The following PRMT8 variants were observed in gnomAD, a reference collection of about 807,000 sequenced individuals.
PRMT8 encodes protein arginine N-methyltransferase 8.
PRMT8 carries 7 observed loss-of-function variants against 47.1 expected under a neutral mutation model. The ratio of observed to expected loss-of-function variants is 0.15; its 90% confidence interval spans 0.08 to 0.28. PRMT8 has a LOEUF of 0.28. PRMT8 is among the 10% of genes least tolerant of loss of function. PRMT8 has a pLI of 1.00. For missense variants in PRMT8, 237 were observed against 505.4 expected, an observed-to-expected ratio of 0.47 and a Z score of 5.09; for synonymous variants, 188 against 186.5, an observed-to-expected ratio of 1.01 and a Z score of -0.07.
chr12:3,431,838 TATG>T (rs1864682349), intron 1 of PRMT8, among the ~76,000 whole-genome samples: 1 of 152,074 alleles, frequency 6.6e-6, no homozygotes, highest in East Asian at 1.9e-4. Context: ...GAAGGTGAGA[TATG>T]GTGTGGCATC....
In PRMT8 at chr12:3,593,600, G is replaced by C; in HGVS notation, c.*418G>C. 4.2e-6 allele frequency: 1 copy of C among 237,890 alleles called. No individual in the cohort carries two copies. The highest frequency in any genetic ancestry group is 2.3e-5 in the African/African-American group (1 of 42,790). The allele number at this position is 237,890 out of a possible 1,614,324, so 14.7% of individuals were successfully genotyped here. A position where few individuals can be genotyped will look rare whatever the true frequency, so the allele number is the denominator to read the frequency against. ...TTTGATAGCATAAGCCAGATTATCT[G>C]TGTGTGCGGTGGTGTGCGTGTGCGT... On this transcript the variant is annotated 3_prime_UTR_variant, in exon 10 of 10. Transcript: ENST00000382622. This position sits in a 1 kb window ranked among gnomAD's most constrained non-coding sequence, Gnocchi z 4.8.
intron 1 of PRMT8, among the ~76,000 whole-genome samples, chr12:3,394,241 C>A (rs1464238383): frequency 1.3e-5 from 2 of 151,910 alleles, no homozygotes; most frequent in Non-Finnish European, 2.9e-5. Context: ...GAACTTCCAA[C>A]ACTATGTTGA....
At chr12:3,397,990 A>G (rs559530007) in intron 1 of PRMT8, among the ~76,000 whole-genome samples, 3 of 151,888 alleles carry the variant, frequency 2.0e-5, no homozygotes, top group Non-Finnish European at 4.4e-5. Flanking sequence ...GCCGTCCATC[A>G]CCCCTTTGAC....
intron 1 of PRMT8, among the ~76,000 whole-genome samples, chr12:3,525,896 A>C (rs563528080): frequency 2.8e-4 from 42 of 152,242 alleles, no homozygotes; most frequent in African/African-American, 9.1e-4. Context: ...TTACCATCTT[A>C]ACCATTTTTA....
chr12:3,565,453 A>G (rs182345063), intron 4 of PRMT8, among the ~76,000 whole-genome samples: 51 of 152,260 alleles, frequency 3.3e-4, no homozygotes, highest in Admixed American at 1.1e-3. Flanking sequence ...TTGAAGGGAG[A>G]TGGGTCCTTT....
chr12:3,555,297 G>C (rs1301001331), intron 4 of PRMT8, among the ~76,000 whole-genome samples: 1 of 152,242 alleles, frequency 6.6e-6, no homozygotes, highest in Non-Finnish European at 1.5e-5. Flanking sequence ...GGCTGCGTTA[G>C]GTTAGCTGCT....
Position 3,469,958 on chromosome 12 carries a change from A to G in PRMT8, c.49-70648A>G, listed in dbSNP as rs117471983. 2.3e-4 allele frequency among the ~76,000 whole-genome samples: 35 copies of G among 152,352 alleles called. 1 individual carries two copies. The East Asian group carries it at 6.2e-3, about 27-fold the overall frequency. On this transcript the variant is annotated intron_variant, in intron 1 of 9. Transcript: ENST00000452611. ...CTGGCCAAGGTGCCGAGGAGCACAC[A>G]GAGGACTGAGACGTGGTCCCTGCAC...
intron 1 of PRMT8, among the ~76,000 whole-genome samples, chr12:3,526,033 C>A (rs1865945818): frequency 6.6e-6 from 1 of 152,180 alleles, no homozygotes; most frequent in South Asian, 2.1e-4. Flanking sequence ...AACCCCCATT[C>A]CCTCTTCCAG....
intron 1 of PRMT8, among the ~76,000 whole-genome samples, chr12:3,449,372 A>G (rs1025853771): frequency 1.3e-5 from 2 of 152,098 alleles, no homozygotes; most frequent in African/African-American, 4.8e-5. Context: ...AAAAGTTCCT[A>G]TTTCTCCACA....
chr12:3,469,971 G>A (rs1048204680), intron 1 of PRMT8, among the ~76,000 whole-genome samples: 4 of 152,188 alleles, frequency 2.6e-5, no homozygotes, highest in African/African-American at 9.7e-5. Flanking sequence ...GGACTGAGAC[G>A]TGGTCCCTGC....
chr12:3,592,616 G>C (rs1439343564), intron 9 of PRMT8, among the ~76,000 whole-genome samples: 1 of 152,140 alleles, frequency 6.6e-6, no homozygotes, highest in Non-Finnish European at 1.5e-5. Context: ...CTTCCTGTGA[G>C]GGGCTTTCAA....
intron 1 of PRMT8, among the ~76,000 whole-genome samples, chr12:3,403,521 G>GA (rs1353956472): frequency 3.3e-5 from 5 of 151,372 alleles, no homozygotes; most frequent in Admixed American, 6.6e-5. Flanking sequence ...GAATTTCTCT[G>GA]AAAAAAATAC....
intron 1 of PRMT8, among the ~76,000 whole-genome samples, chr12:3,434,093 CA>C (rs1340765870): frequency 2.6e-5 from 4 of 152,164 alleles, no homozygotes; most frequent in Admixed American, 6.5e-5. Context: ...GAGCCTTGGA[CA>C]CAACAATGAA....
intron 1 of PRMT8, among the ~76,000 whole-genome samples, chr12:3,474,852 A>C (rs888842775): frequency 6.6e-6 from 1 of 152,202 alleles, no homozygotes; most frequent in African/African-American, 2.4e-5. Flanking sequence ...AGCACCTAGC[A>C]TGGGACCTGA....
intron 1 of PRMT8, among the ~76,000 whole-genome samples, chr12:3,454,600 C>T (rs1253177010): frequency 6.6e-6 from 1 of 152,046 alleles, no homozygotes; most frequent in Admixed American, 6.6e-5. Context: ...ATTTCTCAAG[C>T]GGGAGACCAA....
chr12:3,577,738 C>G (rs911243543), intron 7 of PRMT8, among the ~76,000 whole-genome samples: 1 of 152,092 alleles, frequency 6.6e-6, no homozygotes, highest in Non-Finnish European at 1.5e-5. Context: ...TGGCCCAAGA[C>G]AGTTCTTCTT....
intron 4 of PRMT8, among the ~76,000 whole-genome samples, chr12:3,560,422 C>T (rs956397741): frequency 1.3e-5 from 2 of 152,218 alleles, no homozygotes; most frequent in Non-Finnish European, 2.9e-5. Flanking sequence ...AGGCACGCAG[C>T]CTTCACATGG....
At chr12:3,513,816 TAAC>T (rs1473215974) in intron 1 of PRMT8, among the ~76,000 whole-genome samples, 3 of 152,242 alleles carry the variant, frequency 2.0e-5, no homozygotes, top group Non-Finnish European at 2.9e-5. Flanking sequence ...AAATGTTTAA[TAAC>T]AACTATTTTA....
At chr12:3,592,389 G>A (rs1013308346) in intron 9 of PRMT8, 37 bp downstream of exon 9, 1 of 1,586,352 alleles carries the variant, frequency 6.3e-7, no homozygotes, top group Admixed American at 1.8e-5. Context: ...AAGGGAGAAG[G>A]GCCCCACAGA....
Sources: gnomAD v4.1 joint callset for allele counts (sites outside exome capture counted in the v4.1 genomes callset) on GRCh38, gnomAD v4.1.1 for gene constraint, Gnocchi (gnomAD v3.1) non-coding constraint, MANE v1.5 for transcripts, NCBI Gene and HGNC (gene_info 2026-07-23, HGNC 2026-07-21) for gene names.